The following PRKD1 variants were observed in gnomAD, a reference collection of about 807,000 sequenced individuals.
PRKD1 encodes protein kinase D1.
PRKD1 carries 63 observed loss-of-function variants against 95.9 expected under a neutral mutation model. The ratio of observed to expected loss-of-function variants is 0.66; its 90% CI spans 0.54 to 0.81. The LOEUF (loss-of-function observed/expected upper bound fraction) is 0.81, where lower values mean the gene tolerates loss of function less well. PRKD1 is among the 30% of genes least tolerant of loss of function. The pLI, the probability that PRKD1 is intolerant of heterozygous loss-of-function variation, is 0.00. For synonymous variants in PRKD1, 425 were observed against 423.1 expected (o/e 1.00, Z -0.05); for missense variants, 1,048 against 1,165.3 (o/e 0.90, Z 1.47).
rs1880526651 is a variant in PRKD1 at position 29,638,491 on chromosome 14, C to T, written c.983G>A (p.Gly328Glu). 6.2e-7 allele frequency: 1 copy of T among 1,613,882 alleles called. No homozygotes were observed. Among genetic ancestry groups the T allele is most frequent in the Non-Finnish European group, 8.5e-7 (1 of 1,179,858 alleles). The change falls in exon 6 of 18, where the codon GGA becomes GAA. Residue 328 changes from glycine (G) to glutamate (E), a missense_variant and splice_region_variant. Physicochemically the swap from Gly to Glu is moderately conservative, Grantham distance 98. Around this residue, in one of 3 missense-constraint regions of PRKD1, gnomAD observed 739 missense variants for 861.9 expected, o/e 0.86. Transcript: ENST00000331968. ...ATGACAGCTGATCTTTTACCTACCTCCATTAATGGTCACTTCGCCAAGGCA... is the reference window on the plus strand; with the variant it reads ...ATGACAGCTGATCTTTTACCTACCTTCATTAATGGTCACTTCGCCAAGGCA... ...NNCLGEVTIN[G>E]DLLSPGAESD...
chr14:29,777,478 A>G (rs1414772256), intron 1 of PRKD1, among the ~76,000 whole-genome samples: 5 of 152,148 alleles, frequency 3.3e-5, no homozygotes, highest in East Asian at 1.9e-4. Context: ...AACAAAAAAA[A>G]GCAGGGGTTG....
chr14:29,750,616 G>GCGCACACACA (rs72239992), intron 1 of PRKD1, among the ~76,000 whole-genome samples: 7 of 148,482 alleles, frequency 4.7e-5, no homozygotes, highest in South Asian at 2.2e-4. Context: ...ATGAACGCGC[G>GCGCACACACA]CACACACACA....
intron 10 of PRKD1, among the ~76,000 whole-genome samples, chr14:29,630,389 T>C (rs1879917891): frequency 6.6e-6 from 1 of 152,230 alleles, no homozygotes; most frequent in South Asian, 2.1e-4. Flanking sequence ...TCCACCTACC[T>C]TGGCCTCCCT....
chr14:29,722,235 T>TA (rs1885934794), intron 2 of PRKD1, among the ~76,000 whole-genome samples: 3 of 152,136 alleles, frequency 2.0e-5, no homozygotes, highest in Admixed American at 2.0e-4. Context: ...TTCAGATAAA[T>TA]AAAACTTAAC....
chr14:29,693,365 T>A (rs7143469), intron 2 of PRKD1, among the ~76,000 whole-genome samples: 78,862 of 151,796 alleles, frequency 0.52, 23,126 homozygotes, highest in African/African-American at 0.8. Context: ...AGTTTGGGTC[T>A]TATCAGTCCA....
At chr14:29,696,433 T>C (rs114025663) in intron 2 of PRKD1, among the ~76,000 whole-genome samples, 183 of 152,328 alleles carry the variant, frequency 1.2e-3, no homozygotes, top group African/African-American at 4.3e-3. Context: ...GATTACAGAC[T>C]AGAGCTGATT....
chr14:29,794,178 G>T (rs1304002727), intron 1 of PRKD1, among the ~76,000 whole-genome samples: 1 of 151,764 alleles, frequency 6.6e-6, no homozygotes, highest in African/African-American at 2.4e-5. Context: ...CTATTTTTGA[G>T]TTTTTATTTT....
At chr14:29,657,170 C>T (rs1343523751) in intron 4 of PRKD1, among the ~76,000 whole-genome samples, 1 of 151,694 alleles carries the variant, frequency 6.6e-6, no homozygotes, top group Non-Finnish European at 1.5e-5. Context: ...AGTAAGGTTA[C>T]TCTTAATGAT....
At chr14:29,808,960 T>C (rs115040364) in intron 1 of PRKD1, among the ~76,000 whole-genome samples, 2,454 of 152,312 alleles carry the variant, frequency 0.016, 66 homozygotes, top group African/African-American at 0.052. Context: ...AGCTGTAGCC[T>C]TATGAAATAC....
intron 1 of PRKD1, among the ~76,000 whole-genome samples, chr14:29,731,535 A>G (rs1053850215): frequency 6.6e-6 from 1 of 152,190 alleles, no homozygotes; most frequent in African/African-American, 2.4e-5. Flanking sequence ...AGAAATATTG[A>G]TGTCTTCACA....
Position 29,576,526 on chromosome 14 carries a change from G to A in PRKD1, c.*712C>T, listed in dbSNP as rs953981437. On this transcript the variant is annotated 3_prime_UTR_variant, in exon 18 of 18. Coordinates refer to ENST00000331968, the MANE Select transcript of PRKD1 (RefSeq NM_002742.3). ...TATTGAAAAATACACAAAGGTGAAA[G>A]GTTGCTGAGCAGCTGATTTTCCATA... 5.2e-5 allele frequency: 8 copies of A among 152,616 alleles called. No homozygotes were observed. Among genetic ancestry groups the A allele is most frequent in the African/African-American group, 1.9e-4 (8 of 41,436 alleles). 9.5% of individuals were successfully genotyped at this position (152,616 alleles called of 1,614,324 possible). A position where few individuals can be genotyped will look rare whatever the true frequency, so the allele number is the denominator to read the frequency against.
intron 2 of PRKD1, among the ~76,000 whole-genome samples, chr14:29,686,000 T>C (rs1400892603): frequency 6.6e-6 from 1 of 152,176 alleles, no homozygotes; most frequent in East Asian, 1.9e-4. Flanking sequence ...ACATATAATA[T>C]CTTTCCATAG....
At chr14:29,662,396 A>C (rs1187704821) in intron 4 of PRKD1, among the ~76,000 whole-genome samples, 2 of 152,152 alleles carry the variant, frequency 1.3e-5, no homozygotes, top group African/African-American at 2.4e-5. Flanking sequence ...ATCAGTAAGA[A>C]TATCATAATT....
At chr14:29,808,673 T>C (rs1162133258) in intron 1 of PRKD1, among the ~76,000 whole-genome samples, 1 of 152,070 alleles carries the variant, frequency 6.6e-6, no homozygotes, top group Non-Finnish European at 1.5e-5. Context: ...GTGCTGGAAT[T>C]ACAGGCATGA....
chr14:29,906,933 T>A (rs148131537), intron 1 of PRKD1, among the ~76,000 whole-genome samples: 1 of 152,242 alleles, frequency 6.6e-6, no homozygotes, highest in Non-Finnish European at 1.5e-5. Flanking sequence ...ATTTTGTTTG[T>A]CAGGCTTTTT....
At chr14:29,873,214 T>C (rs889297432) in intron 1 of PRKD1, among the ~76,000 whole-genome samples, 1 of 152,114 alleles carries the variant, frequency 6.6e-6, no homozygotes, top group African/African-American at 2.4e-5. Flanking sequence ...GCCTCCTGAG[T>C]AGCTGGGACT....
chr14:29,752,783 G>A (rs969469132), intron 1 of PRKD1, among the ~76,000 whole-genome samples: 8 of 151,694 alleles, frequency 5.3e-5, no homozygotes, highest in African/African-American at 7.3e-5. Flanking sequence ...AGCAGCCTAC[G>A]GTACATAAAA....
At position 29,847,350 on chromosome 14, in the gene PRKD1, C is replaced by A. The variant is rs150439909; in HGVS notation, c.264+79899G>T. Reference sequence around the variant, plus strand: ...GAGGTGAGATTTTCTGCCTCTTATGCAAACTTATCTAAGCTAATTTCTCCA... The same window carrying A: ...GAGGTGAGATTTTCTGCCTCTTATGAAAACTTATCTAAGCTAATTTCTCCA... On this transcript the variant is annotated intron_variant, in intron 1 of 17. Transcript: ENST00000331968. Among the ~76,000 whole-genome samples the A allele has an allele frequency of 1.0e-3, 152 of 152,242 alleles. No individual in the cohort carries two copies. In the East Asian group the frequency reaches 0.025, roughly 26 times the overall value.
chr14:29,767,703 C>T (rs1239221711), intron 1 of PRKD1, among the ~76,000 whole-genome samples: 9 of 152,244 alleles, frequency 5.9e-5, no homozygotes, highest in East Asian at 5.8e-4. Flanking sequence ...GGAATAAAGA[C>T]GATTTTAGCA....
Sources: gnomAD v4.1 joint callset for allele counts (sites outside exome capture counted in the v4.1 genomes callset) on GRCh38, gnomAD v4.1.1 for gene constraint, gnomAD v4.1.1 regional missense constraint, MANE v1.5 for transcripts, NCBI Gene and HGNC (gene_info 2026-07-23, HGNC 2026-07-21) for gene names.